The following ZFP1 variants were observed in gnomAD, a reference collection of about 807,000 sequenced individuals.
The protein encoded by ZFP1 is zinc finger protein 1 homolog.
Under a neutral mutation model 38.5 loss-of-function variants are expected in ZFP1, and 32 were observed. That is an observed-to-expected ratio of 0.83 (90% CI 0.63 to 1.12). The LOEUF is 1.12. Ranked by LOEUF, ZFP1 falls within the 50% of genes most tolerant of loss-of-function variation. ZFP1 has a pLI of 0.00. For synonymous variants in ZFP1, 245 were observed against 168.8 expected, an observed-to-expected ratio of 1.45 and a Z score of -3.50; for missense variants, 616 against 480.8, an observed-to-expected ratio of 1.28 and a Z score of -2.63.
chr16:75,144,670 A>T (rs79084630), upstream of ZFP1, among the ~76,000 whole-genome samples: 474 of 152,344 alleles, frequency 3.1e-3, 4 homozygotes, highest in African/African-American at 0.01. Flanking sequence ...TCCCAAACAG[A>T]AACGCTATAC....
intron 2 of ZFP1, among the ~76,000 whole-genome samples, chr16:75,156,459 AAAAAG>A (rs59284550): frequency 0.78 from 118,033 of 150,874 alleles, 47,329 homozygotes; most frequent in Non-Finnish European, 0.87. Context: ...TCTGTCTCAG[AAAAAG>A]AAAAGAAAAG....
chr16:75,140,076 C>T, the ZFP1 span, among the ~76,000 whole-genome samples: 1 of 152,150 alleles, frequency 6.6e-6, no homozygotes, highest in Non-Finnish European at 1.5e-5. Context: ...CAAGACCAGC[C>T]TGACCAACGT....
At chr16:75,119,848 C>T in the ZFP1 span, among the ~76,000 whole-genome samples, 1 of 151,450 alleles carries the variant, frequency 6.6e-6, no homozygotes, top group Non-Finnish European at 1.5e-5. Flanking sequence ...GCTAAATTCA[C>T]ACACACACAC....
Position 75,170,520 on chromosome 16 carries a change from A to G in ZFP1, c.*186A>G, listed in dbSNP as rs2145591651. On this transcript the variant is annotated 3_prime_UTR_variant, in exon 4 of 4. Transcript: ENST00000570010. ...GAAGTTACATGTGATACCCAGCTAA[A>G]GAATACATATCAGAATATATCCAGT... 2.4e-6 allele frequency: 2 copies of G among 835,868 alleles called. No individual in the cohort carries two copies. The highest frequency in any genetic ancestry group is 3.9e-4 in the Middle Eastern group (1 of 2,590). 51.8% of individuals were successfully genotyped at this position (835,868 alleles called of 1,614,324 possible).
intron 2 of ZFP1, among the ~76,000 whole-genome samples, chr16:75,164,812 T>TA (rs34996995): frequency 0.87 from 130,447 of 149,402 alleles, 56,967 homozygotes; most frequent in Non-Finnish European, 0.9. Flanking sequence ...TCCATAAGTT[T>TA]TTTTTTTTTT....
intron 2 of ZFP1, among the ~76,000 whole-genome samples, chr16:75,157,774 C>A (rs2037542005): frequency 6.6e-6 from 1 of 151,932 alleles, no homozygotes; most frequent in South Asian, 2.1e-4. Context: ...AAAAATAAAG[C>A]CATACCTACC....
At chr16:75,150,466 G>C (rs1432543274) in intron 1 of ZFP1, among the ~76,000 whole-genome samples, 1 of 151,986 alleles carries the variant, frequency 6.6e-6, no homozygotes, top group Non-Finnish European at 1.5e-5. Flanking sequence ...TGATCCACCT[G>C]CCTCGGCCTT....
chr16:75,169,175 C>T (rs942524131), intron 3 of ZFP1, 78 bp from the exon 4 acceptor site: 32 of 1,496,870 alleles, frequency 2.1e-5, no homozygotes, highest in Non-Finnish European at 2.4e-5. Context: ...TGATAGAACA[C>T]GTGTGAAGAC....
chr16:75,131,821 C>T, the ZFP1 span, among the ~76,000 whole-genome samples: 2 of 151,968 alleles, frequency 1.3e-5, no homozygotes, highest in East Asian at 1.9e-4. Context: ...AAAAACTAGC[C>T]GTGTGCAGGG....
intron 2 of ZFP1, among the ~76,000 whole-genome samples, chr16:75,157,488 C>G (rs2037529422): frequency 6.6e-6 from 1 of 151,954 alleles, no homozygotes; most frequent in South Asian, 2.1e-4. Flanking sequence ...AAGTGATACG[C>G]CCTCCTCAGC....
intron 3 of ZFP1, among the ~76,000 whole-genome samples, chr16:75,168,586 C>T (rs1435602257): frequency 6.6e-6 from 1 of 151,942 alleles, no homozygotes; most frequent in African/African-American, 2.4e-5. Flanking sequence ...GTTAGTGATC[C>T]TGTGGTAAGG....
At chr16:75,161,475 A>G (rs994197399) in intron 2 of ZFP1, among the ~76,000 whole-genome samples, 9 of 151,622 alleles carry the variant, frequency 5.9e-5, no homozygotes, top group Non-Finnish European at 1.2e-4. Flanking sequence ...GTAGCCCTAC[A>G]GTGATTGCTC....
upstream of ZFP1, among the ~76,000 whole-genome samples, chr16:75,146,271 T>C (rs1441914845): frequency 6.6e-6 from 1 of 151,932 alleles, no homozygotes; most frequent in Non-Finnish European, 1.5e-5. Flanking sequence ...CACGCCATTC[T>C]CCTGGCTCAG....
At chr16:75,124,786 CAA>C in the ZFP1 span, among the ~76,000 whole-genome samples, 35 of 66,940 alleles carry the variant, frequency 5.2e-4, no homozygotes, top group African/African-American at 9.5e-4. Context: ...GACTCCATCT[CAA>C]AAAAAAAAAA....
the ZFP1 span, among the ~76,000 whole-genome samples, chr16:75,130,168 GT>G: frequency 2.9e-4 from 44 of 152,036 alleles, no homozygotes; most frequent in Admixed American, 2.0e-3. Flanking sequence ...ACCTGGCTAA[GT>G]TTTGTATTTT....
chr16:75,141,762 A>G, the ZFP1 span, among the ~76,000 whole-genome samples: 2 of 151,726 alleles, frequency 1.3e-5, no homozygotes, highest in Non-Finnish European at 2.9e-5. Context: ...AAAAGAGAGA[A>G]AAAGAGGCTG....
rs555123810 is a variant in ZFP1 at position 75,157,682 on chromosome 16, A to G, written c.15+4716A>G. On this transcript the variant is annotated intron_variant, in intron 2 of 3. Coordinates refer to ENST00000570010, the MANE Select transcript of ZFP1 (RefSeq NM_153688.4). ...TATGGTTATGGATGTGTGCACACAT[A>G]TGATTCTGTCTTCCTGATGGACTTA... 3.8e-4 allele frequency among the ~76,000 whole-genome samples: 58 copies of G among 152,296 alleles called. 1 individual carries two copies. The highest frequency in any genetic ancestry group is 3.4e-3 in the Middle Eastern group (1 of 294).
chr16:75,128,486 G>C, the ZFP1 span, among the ~76,000 whole-genome samples: 1 of 152,220 alleles, frequency 6.6e-6, no homozygotes, highest in Non-Finnish European at 1.5e-5. Flanking sequence ...AAACTAGAGA[G>C]AGGAAAATTA....
chr16:75,163,616 T>A (rs1344624617), intron 2 of ZFP1, among the ~76,000 whole-genome samples: 1 of 151,280 alleles, frequency 6.6e-6, no homozygotes, highest in Non-Finnish European at 1.5e-5. Flanking sequence ...CAGCCTTTTT[T>A]TTTTGTTGTT....
Sources: gnomAD v4.1 joint callset for allele counts (sites outside exome capture counted in the v4.1 genomes callset) on GRCh38, gnomAD v4.1.1 for gene constraint, MANE v1.5 for transcripts, NCBI Gene and HGNC (gene_info 2026-07-23, HGNC 2026-07-21) for gene names.